The following WDR1 variants were observed in gnomAD, a reference collection of about 807,000 sequenced individuals.
WDR1 encodes WD repeat domain 1, also known as WD repeat-containing protein 1.
A neutral mutation model predicts 71.9 loss-of-function variants in WDR1; 21 were observed. The observed-to-expected ratio is 0.29, with a 90% CI of 0.21 to 0.42. The LOEUF (loss-of-function observed/expected upper bound fraction) is 0.42. Among genes scored for constraint, WDR1 ranks in the 10% least tolerant of loss-of-function variants. The pLI, the probability that WDR1 is intolerant of heterozygous loss-of-function variation, is 1.00. For synonymous variants in WDR1, 424 were observed against 347.4 expected, an observed-to-expected ratio of 1.22 and a Z score of -2.45; for missense variants, 696 against 824.5, an observed-to-expected ratio of 0.84 and a Z score of 1.91.
intron 2 of WDR1, chr4:10,108,337 G>C (rs1459156329): frequency 1.3e-5 from 2 of 152,210 alleles, no homozygotes; most frequent in African/African-American, 4.8e-5. Context: ...CTTGCCACTG[G>C]TATCTCAGCT....
At chr4:10,079,707 G>C (rs371765892) in intron 11 of WDR1, among the ~76,000 whole-genome samples, 41 of 152,318 alleles carry the variant, frequency 2.7e-4, no homozygotes, top group Admixed American at 7.2e-4. Flanking sequence ...GCCACCAGCT[G>C]TCATGAGGGA....
rs1042204113 is a variant in WDR1, at chr4:10,077,413, G to A, written c.1605C>T (p.Ile535=). 3.1e-6 allele frequency: 5 copies of A among 1,613,970 alleles called. No individual in the cohort carries two copies. Among genetic ancestry groups the A allele is most frequent in the East Asian group, 2.2e-5 (1 of 44,880 alleles). The part of the protein sequence containing the change: ...NNVFYGHHAK[I]VCLAWSPDNE... Reference sequence around the variant, plus strand: ...TGTCTGGGGACCAGGCCAGGCAGACGATTTTTGCATGGTGTCCATAAAAAA... The same window carrying A: ...TGTCTGGGGACCAGGCCAGGCAGACAATTTTTGCATGGTGTCCATAAAAAA... The change falls in exon 14 of 15, where the codon ATC becomes ATT. Residue 535 remains isoleucine, a synonymous_variant. Transcript: ENST00000499869.
In WDR1 at chr4:10,097,840, T is replaced by TA; in HGVS notation, c.428_429insT (p.Gly144ArgfsTer25). 6.2e-7 allele frequency: 1 copy of TA among 1,611,640 alleles called. No individual in the cohort carries two copies. Among genetic ancestry groups the TA allele is most frequent in the Non-Finnish European group, 8.5e-7 (1 of 1,179,274 alleles). On this transcript the variant is annotated frameshift_variant, in exon 5 of 15. Transcript: ENST00000499869. LOFTEE classifies it high-confidence loss of function. The stretch of plus-strand genomic sequence containing the variant: ...CGCTGTTGATGACTTTGTTGTGTCC[T>TA]GTAATCTCGCCCACAGAAGAGCCAC...
intron 2 of WDR1, 172 bp downstream of exon 2, chr4:10,115,941 G>GA (rs1713691034): frequency 7.4e-6 from 6 of 805,604 alleles, no homozygotes; most frequent in Non-Finnish European, 1.2e-5. Flanking sequence ...GGACCTGGGT[G>GA]AATCTGAGGC....
chr4:10,104,696 T>C (rs994264743), intron 2 of WDR1, among the ~76,000 whole-genome samples: 1 of 152,128 alleles, frequency 6.6e-6, no homozygotes, highest in Non-Finnish European at 1.5e-5. Context: ...AGGGCCTCAG[T>C]GAAACAGAAA....
At chr4:10,107,251 G>A (rs1713077789) in intron 2 of WDR1, among the ~76,000 whole-genome samples, 1 of 152,166 alleles carries the variant, frequency 6.6e-6, no homozygotes, top group Admixed American at 6.5e-5. Context: ...CTCTGGCAGT[G>A]GGAGGCTGCC....
chr4:10,081,960 T>C (rs1765032484), intron 10 of WDR1, among the ~76,000 whole-genome samples: 1 of 152,170 alleles, frequency 6.6e-6, no homozygotes, highest in Non-Finnish European at 1.5e-5. Context: ...ACTGAGATAA[T>C]CAAGGAAATT....
chr4:10,110,365 T>C (rs1713276458), intron 2 of WDR1, among the ~76,000 whole-genome samples: 1 of 152,184 alleles, frequency 6.6e-6, no homozygotes, highest in Admixed American at 6.5e-5. Context: ...GGCAAGGCCA[T>C]CTCTCCAGTA....
At chr4:10,102,026 T>G (rs1362317023) in intron 3 of WDR1, among the ~76,000 whole-genome samples, 1 of 152,234 alleles carries the variant, frequency 6.6e-6, no homozygotes, top group Non-Finnish European at 1.5e-5. Context: ...ATGCCTACTA[T>G]GAGCCAGACT....
intron 3 of WDR1, among the ~76,000 whole-genome samples, 162 bp downstream of exon 3, chr4:10,103,734 C>G (rs951150898): frequency 6.6e-6 from 1 of 152,158 alleles, no homozygotes; most frequent in Non-Finnish European, 1.5e-5. Context: ...TCAGCTGAAA[C>G]TAATTATACT....
chr4:10,091,804 T>C (rs1712006672), intron 5 of WDR1: 1 of 152,220 alleles, frequency 6.6e-6, no homozygotes, highest in Non-Finnish European at 1.5e-5. Context: ...TCCATGTCAG[T>C]CCATAGGGTC....
chr4:10,094,172 A>G (rs1357388589), intron 5 of WDR1, among the ~76,000 whole-genome samples: 1 of 152,198 alleles, frequency 6.6e-6, no homozygotes, highest in Non-Finnish European at 1.5e-5. Flanking sequence ...TCTGCATCAT[A>G]AGGCTGAGCC....
chr4:10,090,665 G>A (rs1445657933), intron 5 of WDR1, among the ~76,000 whole-genome samples: 10 of 152,218 alleles, frequency 6.6e-5, no homozygotes, highest in Admixed American at 1.3e-4. Context: ...CTGGGGTCAG[G>A]CTGGACACAG....
chr4:10,077,654 C>A, intron 13 of WDR1, 99 bp downstream of exon 13: 1 of 1,465,060 alleles, frequency 6.8e-7, no homozygotes, highest in South Asian at 1.4e-5. Flanking sequence ...AACTACAGCT[C>A]AGACAGGCTC....
rs1020738344 is a variant in WDR1 at position 10,103,824 on chromosome 4, C to T, written c.229+72G>A. 3.7e-6 allele frequency: 5 copies of T among 1,345,548 alleles called. No individual in the cohort carries two copies. In the East Asian group the frequency reaches 1.0e-4, roughly 27 times the overall value. 83.4% of individuals were successfully genotyped at this position (1,345,548 alleles called of 1,614,324 possible). A position where few individuals can be genotyped will look rare whatever the true frequency, so the allele number is the denominator to read the frequency against. On this transcript the variant is annotated intron_variant, in intron 3 of 14. Transcript: ENST00000499869. ...TCCCACTCTCCCAAGGCCAGAAGCCCAGCTTCGCCCTGGGCCCTGAGCGCC... is the reference window on the plus strand; with the variant it reads ...TCCCACTCTCCCAAGGCCAGAAGCCTAGCTTCGCCCTGGGCCCTGAGCGCC...
At chr4:10,102,953 GTGAA>G (rs1712770529) in intron 3 of WDR1, among the ~76,000 whole-genome samples, 1 of 152,196 alleles carries the variant, frequency 6.6e-6, no homozygotes, top group Non-Finnish European at 1.5e-5. Flanking sequence ...GAATGAGTGA[GTGAA>G]TGAATGAGTG....
At position 10,099,020 on chromosome 4, in the gene WDR1, T is replaced by C. The variant is rs1485979491; in HGVS notation, c.349A>G (p.Ile117Val). 1 of 1,614,040 alleles carries C rather than the reference T, an allele frequency of 6.2e-7. No individual in the cohort carries two copies. The highest frequency in any genetic ancestry group is 1.7e-5 in the Admixed American group (1 of 60,032). Reference protein sequence around the residue: ...DIAWTEDSKRIAVVGEGREKF... With the variant: ...DIAWTEDSKRVAVVGEGREKF... ...TCCCTTCCTTCCCCGACCACGGCGA[T>C]CCTCTTACTGTCTTCAGTCCAAGCA... Residue 117 changes from isoleucine to valine, a missense_variant, in exon 4 of 15, where the codon ATC (isoleucine) becomes GTC (valine). By Grantham distance (29) the Ile-to-Val change is conservative. Transcript: ENST00000499869.
chr4:10,092,778 G>C (rs936060865), intron 5 of WDR1: 1 of 304,356 alleles, frequency 3.3e-6, no homozygotes, highest in Non-Finnish European at 6.7e-6. Context: ...AAGAGGGAGA[G>C]GGATTGGGGA....
At chr4:10,113,251 C>G (rs570247416) in intron 2 of WDR1, among the ~76,000 whole-genome samples, 4 of 152,288 alleles carry the variant, frequency 2.6e-5, no homozygotes, top group Admixed American at 1.3e-4. Context: ...GTCCCCACTA[C>G]TCGGGAGGCT....
Sources: allele counts gnomAD v4.1 joint callset (sites outside exome capture counted in the v4.1 genomes callset), GRCh38; gene constraint gnomAD v4.1.1; transcripts MANE v1.5; gene names NCBI Gene and HGNC (gene_info 2026-07-23, HGNC 2026-07-21).